Variants in SSUH2 observed in about 807,000 individuals in gnomAD.
SSUH2 encodes ssu-2 homolog.
SSUH2 carries 47 observed loss-of-function variants against 55.3 expected under a neutral mutation model. The ratio of observed to expected loss-of-function variants is 0.85; its 90% CI spans 0.67 to 1.08. The LOEUF is 1.08. SSUH2 is among the 50% of genes least tolerant of loss of function. SSUH2 has a pLI of 0.00. For missense variants in SSUH2, 535 were observed against 490.7 expected, an observed-to-expected ratio of 1.09 and a Z score of -0.85; for synonymous variants, 212 against 191.5, an observed-to-expected ratio of 1.11 and a Z score of -0.89.
At chr3:8,620,660 G>A (rs1696236208) in intron 11 of SSUH2, among the ~76,000 whole-genome samples, 1 of 152,162 alleles carries the variant, frequency 6.6e-6, no homozygotes, top group Admixed American at 6.5e-5. Context: ...GCATCCCCAG[G>A]GGAGTTCCAG....
intron 8 of SSUH2, 66 bp from the exon 9 acceptor site, chr3:8,626,387 C>G: frequency 8.5e-7 from 1 of 1,178,856 alleles, no homozygotes; most frequent in Non-Finnish European, 1.3e-6. Flanking sequence ...CAGAGGCTCC[C>G]ACCTGCACCC....
At chr3:8,634,240 A>G (rs1406764521) in intron 3 of SSUH2, 3 of 605,522 alleles carry the variant, frequency 5.0e-6, no homozygotes, top group Non-Finnish European at 7.7e-6. Flanking sequence ...GGAAGACCCC[A>G]GCCAGGCACT....
At chr3:8,637,180 G>A (rs904433026) in intron 1 of SSUH2, among the ~76,000 whole-genome samples, 1 of 152,184 alleles carries the variant, frequency 6.6e-6, no homozygotes, top group Admixed American at 6.5e-5. Flanking sequence ...ACTGCCTGGT[G>A]TATTAAACGC....
At chr3:8,621,272 C>T (rs1022730596) in intron 11 of SSUH2, among the ~76,000 whole-genome samples, 1 of 152,214 alleles carries the variant, frequency 6.6e-6, no homozygotes, top group Non-Finnish European at 1.5e-5. Flanking sequence ...GTCAGGCCCT[C>T]TTTACTTGCA....
chr3:8,677,920 C>G (rs1372467354), intron 2 of SSUH2, among the ~76,000 whole-genome samples: 2 of 150,938 alleles, frequency 1.3e-5, no homozygotes, highest in Non-Finnish European at 2.9e-5. Context: ...AGATTATGAA[C>G]TGTTTCACAG....
intron 1 of SSUH2, among the ~76,000 whole-genome samples, chr3:8,643,121 G>C (rs913080366): frequency 6.6e-6 from 1 of 152,126 alleles, no homozygotes; most frequent in Non-Finnish European, 1.5e-5. Context: ...TTAAAGTTCT[G>C]GGGACCTGAT....
intron 3 of SSUH2, chr3:8,634,635 C>G (rs777237184): frequency 2.4e-6 from 3 of 1,252,928 alleles, no homozygotes; most frequent in East Asian, 5.6e-5. Context: ...CCGGAGGAAG[C>G]AGGGTTCTTC....
rs1192014254 is a variant in SSUH2, at chr3:8,623,458, C to T, written c.981+91G>A. ...CCGGGACCTCCCTCACCTCTACGTC[C>T]TCATCCTTCCGCTCCGACGTTCTCA... is the stretch of plus-strand genomic sequence containing the variant. On this transcript the variant is annotated intron_variant, in intron 11 of 11. Coordinates refer to ENST00000544814, the MANE Select transcript of SSUH2 (RefSeq NM_001256748.3). The T allele has an allele frequency of 3.6e-6, 3 of 839,832 alleles. No individual in the cohort carries two copies. The East Asian group carries it at 8.0e-5, about 22-fold the overall frequency. 52.0% of individuals were successfully genotyped at this position (839,832 alleles called of 1,614,324 possible). A position where few individuals can be genotyped will look rare whatever the true frequency, so the allele number is the denominator to read the frequency against.
At position 8,625,542 on chromosome 3, in the gene SSUH2, C is replaced by G; in HGVS notation, c.873G>C (p.Val291=). The change falls in exon 10 of 12, where the codon GTG becomes GTC. Residue 291 remains valine, a splice_region_variant and synonymous_variant. Transcript: ENST00000544814. ...GENLFKDENS[V]VYPIVDFPLR... ...GTTCCCATCTACAATGCCCTCTTAC[C>G]ACCGAGTTTTCATCCTTAAAGAGGT... The G allele has an allele frequency of 6.2e-7, 1 of 1,606,012 alleles. No individual in the cohort carries two copies.
intron 3 of SSUH2, 112 bp downstream of exon 3, chr3:8,635,188 G>A: frequency 4.9e-6 from 4 of 808,086 alleles, no homozygotes; most frequent in Middle Eastern, 2.6e-4. Context: ...GTAGGTCTGG[G>A]GTGCAGACGG....
Position 8,626,226 on chromosome 3 carries a change from T to C in SSUH2, c.767+3A>G. 1 of 1,613,310 alleles carries C rather than the reference T, an allele frequency of 6.2e-7. No homozygotes were observed. The highest frequency in any genetic ancestry group is 8.5e-7 in the Non-Finnish European group (1 of 1,179,308). On this transcript the variant is annotated splice_donor_region_variant and intron_variant, in intron 9 of 11. Coordinates refer to ENST00000544814, the MANE Select transcript of SSUH2 (RefSeq NM_001256748.3). ...GCCACAGCATTGAGACACTGCCACA[T>C]ACCACATGATGACAAGCTGGATGAA... is the stretch of plus-strand genomic sequence containing the variant.
chr3:8,630,763 G>A (rs200898134), intron 6 of SSUH2, 42 bp downstream of exon 6: 1 of 1,337,746 alleles, frequency 7.5e-7, no homozygotes, highest in Non-Finnish European at 9.7e-7. Flanking sequence ...AGCCTCTCAG[G>A]GAGAAGGGCA....
chr3:8,650,773 C>A (rs1485039983), intron 7 of SSUH2, among the ~76,000 whole-genome samples: 1 of 152,190 alleles, frequency 6.6e-6, no homozygotes. Context: ...AGTGACAGCT[C>A]CTGCTCCATC....
chr3:8,654,714 T>C (rs563397669), intron 7 of SSUH2, among the ~76,000 whole-genome samples: 34 of 150,016 alleles, frequency 2.3e-4, no homozygotes, highest in African/African-American at 7.9e-4. Flanking sequence ...GATCACAGTG[T>C]GTGGCCTTCT....
intron 1 of SSUH2, among the ~76,000 whole-genome samples, chr3:8,644,200 G>A (rs1701347972): frequency 6.6e-6 from 1 of 152,132 alleles, no homozygotes; most frequent in South Asian, 2.1e-4. Flanking sequence ...GAACGAACTG[G>A]CCGTTTGCTA....
chr3:8,643,159 T>C (rs368815299), intron 1 of SSUH2, among the ~76,000 whole-genome samples: 15 of 152,214 alleles, frequency 9.9e-5, no homozygotes, highest in African/African-American at 3.6e-4. Context: ...ATTGACTCCA[T>C]GTCTACTCTG....
At chr3:8,636,790 C>T (rs114174733) in intron 1 of SSUH2, among the ~76,000 whole-genome samples, 260 of 152,288 alleles carry the variant, frequency 1.7e-3, no homozygotes, top group African/African-American at 6.0e-3. Context: ...ACATCTAATG[C>T]CATCTTGGTG....
exon 4 of SSUH2, chr3:8,671,979 T>C (rs1345831080): frequency 6.6e-6 from 1 of 152,138 alleles, no homozygotes; most frequent in Non-Finnish European, 1.5e-5. Flanking sequence ...TCACCAACTA[T>C]ATTATAGACG....
intron 1 of SSUH2, among the ~76,000 whole-genome samples, chr3:8,637,989 G>A (rs1235258982): frequency 6.6e-6 from 1 of 152,168 alleles, no homozygotes. Flanking sequence ...TTCGTTCCAA[G>A]AAAACTTCAT....
Sources: allele counts gnomAD v4.1 joint callset (sites outside exome capture counted in the v4.1 genomes callset), GRCh38; gene constraint gnomAD v4.1.1; transcripts MANE v1.5; gene names NCBI Gene and HGNC (gene_info 2026-07-23, HGNC 2026-07-21).